Variants in OSBPL9 observed in about 807,000 individuals in gnomAD.
OSBPL9 encodes the protein oxysterol binding protein like 9, also known as oxysterol-binding protein-related protein 9.
In OSBPL9, 40 loss-of-function variants were observed where a neutral mutation model predicts 106.6. The ratio of observed to expected loss-of-function variants is 0.38; its 90% CI spans 0.29 to 0.49. OSBPL9 has a LOEUF of 0.49. Ranked by LOEUF, OSBPL9 falls within the 20% of genes least tolerant of loss-of-function variation. OSBPL9 has a pLI of 0.97. For missense variants in OSBPL9, 609 were observed against 887.2 expected (o/e 0.69, Z 3.98); for synonymous variants, 269 against 295.4 (o/e 0.91, Z 0.92).
upstream of OSBPL9, among the ~76,000 whole-genome samples, chr1:51,573,629 C>T (rs1269486550): frequency 3.4e-5 from 5 of 149,120 alleles, no homozygotes; most frequent in African/African-American, 1.2e-4. Context: ...TCCTGGCCAA[C>T]ATGGTGAGAC....
At chr1:51,670,188 A>T (rs149735210) in intron 3 of OSBPL9, among the ~76,000 whole-genome samples, 192 of 152,342 alleles carry the variant, frequency 1.3e-3, no homozygotes, top group African/African-American at 4.5e-3. Flanking sequence ...AATAAAAGTC[A>T]ATTTTAATGA....
intron 13 of OSBPL9, 76 bp from the exon 14 acceptor site, chr1:51,772,529 A>C: frequency 8.3e-7 from 1 of 1,205,940 alleles, no homozygotes; most frequent in Admixed American, 1.7e-5. Flanking sequence ...CAAACAAACA[A>C]ACAAAATTGT....
At position 51,714,092 on chromosome 1, in the gene OSBPL9, A is replaced by G. The variant is rs767994859; in HGVS notation, c.318+13A>G. The G allele has an allele frequency of 6.3e-7, 1 of 1,591,878 alleles. No individual in the cohort carries two copies. Among genetic ancestry groups the G allele is most frequent in the Non-Finnish European group, 8.6e-7 (1 of 1,166,760 alleles). On this transcript the variant is annotated intron_variant, in intron 4 of 23. Coordinates refer to ENST00000428468, the MANE Select transcript of OSBPL9 (RefSeq NM_024586.6). ...TCTCCAGCTTCAAGTAAGGGTCTTT[A>G]CATGGTTTCCAGATAGTTCATTAGT...
chr1:51,670,798 A>T (rs1380280623), intron 3 of OSBPL9, among the ~76,000 whole-genome samples: 2 of 152,236 alleles, frequency 1.3e-5, no homozygotes, highest in Non-Finnish European at 2.9e-5. Flanking sequence ...TAAGTTAAAT[A>T]TGTAATGCTG....
chr1:51,715,872 T>C (rs186605361), intron 4 of OSBPL9, among the ~76,000 whole-genome samples: 1 of 152,358 alleles, frequency 6.6e-6, no homozygotes, highest in East Asian at 1.9e-4. Flanking sequence ...TGACCTCTTC[T>C]ATGAACCCTC....
chr1:51,731,308 CG>C (rs1238656480), intron 4 of OSBPL9, among the ~76,000 whole-genome samples: 1 of 151,864 alleles, frequency 6.6e-6, no homozygotes, highest in African/African-American at 2.4e-5. Flanking sequence ...ATGAGCTGAG[CG>C]TGGTGGTGAT....
At chr1:51,519,152 A>G in the OSBPL9 span, 6 of 1,351,622 alleles carry the variant, frequency 4.4e-6, no homozygotes, top group Non-Finnish European at 3.9e-6. Context: ...GCGGTGGGGG[A>G]GGGGGCACCG....
chr1:51,656,616 AT>A (rs937872512), intron 2 of OSBPL9, among the ~76,000 whole-genome samples: 90 of 148,520 alleles, frequency 6.1e-4, no homozygotes, highest in African/African-American at 1.9e-3. Flanking sequence ...TATCCTCTAC[AT>A]TTTTTTTTCC....
At chr1:51,761,239 A>G (rs1557824086) in intron 10 of OSBPL9, among the ~76,000 whole-genome samples, 1 of 149,842 alleles carries the variant, frequency 6.7e-6, no homozygotes, top group Non-Finnish European at 1.5e-5. Flanking sequence ...ATCACATGAC[A>G]TCTGGGTTTT....
intron 4 of OSBPL9, among the ~76,000 whole-genome samples, chr1:51,725,125 T>G (rs1438681571): frequency 6.6e-6 from 1 of 151,998 alleles, no homozygotes; most frequent in African/African-American, 2.4e-5. Context: ...TTTTCCAGTC[T>G]TTTTTTCCTT....
the OSBPL9 span, among the ~76,000 whole-genome samples, chr1:51,519,012 G>T: frequency 4.6e-5 from 7 of 151,326 alleles, no homozygotes; most frequent in South Asian, 2.1e-4. Context: ...GCGGCCGCAG[G>T]GGGGCTCCGG....
At chr1:51,723,064 G>C (rs72898073) in intron 4 of OSBPL9, among the ~76,000 whole-genome samples, 28,697 of 152,122 alleles carry the variant, frequency 0.19, 3,410 homozygotes, top group Middle Eastern at 0.32. Flanking sequence ...CCCTATACCC[G>C]CTTCCCCTAC....
intron 4 of OSBPL9, among the ~76,000 whole-genome samples, chr1:51,744,854 C>T (rs745767754): frequency 6.6e-6 from 1 of 152,174 alleles, no homozygotes; most frequent in Non-Finnish European, 1.5e-5. Flanking sequence ...GTAGGACATG[C>T]AAATGCTGCA....
intron 3 of OSBPL9, among the ~76,000 whole-genome samples, chr1:51,688,871 C>A (rs1407624683): frequency 6.6e-6 from 1 of 151,986 alleles, no homozygotes; most frequent in Non-Finnish European, 1.5e-5. Context: ...TATATGCTCT[C>A]TGAAAGAAAG....
intron 3 of OSBPL9, among the ~76,000 whole-genome samples, chr1:51,686,062 T>G (rs1418004719): frequency 1.3e-5 from 2 of 151,932 alleles, no homozygotes. Context: ...TGGAGATGGG[T>G]GTCAGTGGGA....
At chr1:51,631,024 C>T (rs1225246770) in intron 1 of OSBPL9, among the ~76,000 whole-genome samples, 1 of 152,184 alleles carries the variant, frequency 6.6e-6, no homozygotes, top group Non-Finnish European at 1.5e-5. Flanking sequence ...CATGGCATTA[C>T]AGTAAAGAAA....
intron 3 of OSBPL9, among the ~76,000 whole-genome samples, chr1:51,712,643 A>G (rs1205958589): frequency 6.6e-6 from 1 of 152,104 alleles, no homozygotes. Flanking sequence ...GTGGAAAAAA[A>G]CCCTAAAAAT....
intron 3 of OSBPL9, among the ~76,000 whole-genome samples, chr1:51,685,425 T>C (rs563045275): frequency 6.6e-6 from 1 of 152,258 alleles, no homozygotes; most frequent in African/African-American, 2.4e-5. Flanking sequence ...TTTTTTTTTT[T>C]GAGATGGCAT....
chr1:51,729,715 C>T lies in OSBPL9; in HGVS notation c.318+15636C>T, dbSNP rs902433263. On this transcript the variant is annotated intron_variant, in intron 4 of 23. Coordinates refer to ENST00000428468, the MANE Select transcript of OSBPL9 (RefSeq NM_024586.6). This position sits in a 1 kb window ranked among gnomAD's most constrained non-coding sequence, Gnocchi z 5.1. ...CCTCTCACCTCCTACAGCAGGTGACCCATGGCCAATCGCCAGGGGTCTCTT... is the reference window on the plus strand; with the variant it reads ...CCTCTCACCTCCTACAGCAGGTGACTCATGGCCAATCGCCAGGGGTCTCTT... 1.0e-5 allele frequency: 8 copies of T among 779,144 alleles called. No individual in the cohort carries two copies. The highest frequency in any genetic ancestry group is 1.4e-5 in the Non-Finnish European group (8 of 577,448). 48.3% of individuals were successfully genotyped at this position (779,144 alleles called of 1,614,324 possible). A position where few individuals can be genotyped will look rare whatever the true frequency, so the allele number is the denominator to read the frequency against.
Sources: allele counts gnomAD v4.1 joint callset (sites outside exome capture counted in the v4.1 genomes callset), GRCh38; gene constraint gnomAD v4.1.1; non-coding constraint Gnocchi (gnomAD v3.1); transcripts MANE v1.5; gene names NCBI Gene and HGNC (gene_info 2026-07-23, HGNC 2026-07-21).